KAZN: variants seen among roughly 807,000 people sequenced by gnomAD.
The protein encoded by KAZN is kazrin, periplakin interacting protein, also known as kazrin.
KAZN carries 40 observed loss-of-function variants against 87.4 expected under a neutral mutation model. That is an observed-to-expected ratio of 0.46 (90% CI 0.36 to 0.60). The LOEUF is 0.60. Among genes scored for constraint, KAZN ranks in the 20% least tolerant of loss-of-function variants. The pLI is 0.00. For missense variants in KAZN, 898 were observed against 1,073.9 expected, an observed-to-expected ratio of 0.84 and a Z score of 2.29; for synonymous variants, 466 against 458.3, an observed-to-expected ratio of 1.02 and a Z score of -0.22.
At chr1:14,418,622 A>C (rs11578066) in intron 2 of KAZN, among the ~76,000 whole-genome samples, 3,290 of 152,324 alleles carry the variant, frequency 0.022, 51 homozygotes, top group Non-Finnish European at 0.037. Context: ...TTTTATAGAC[A>C]ATCTGATTTT....
At chr1:14,494,158 A>C (rs1669819799) in intron 2 of KAZN, among the ~76,000 whole-genome samples, 1 of 152,208 alleles carries the variant, frequency 6.6e-6, no homozygotes, top group South Asian at 2.1e-4. Flanking sequence ...TGAGCACTGA[A>C]TTAGTCTCAG....
chr1:14,119,985 G>C (rs1644715743), intron 1 of KAZN, among the ~76,000 whole-genome samples: 1 of 152,054 alleles, frequency 6.6e-6, no homozygotes, highest in Non-Finnish European at 1.5e-5. Context: ...GCACAGATGG[G>C]GTAAGTACCT....
intron 1 of KAZN, among the ~76,000 whole-genome samples, chr1:14,874,519 T>C (rs12402850): frequency 0.015 from 2,135 of 144,588 alleles, 17 homozygotes; most frequent in South Asian, 0.02. Flanking sequence ...GATGGATGGA[T>C]GGACAGATGG....
intron 2 of KAZN, among the ~76,000 whole-genome samples, chr1:14,436,309 T>C (rs1166331724): frequency 6.6e-6 from 1 of 151,994 alleles, no homozygotes; most frequent in Non-Finnish European, 1.5e-5. Flanking sequence ...AGGAAGTGGT[T>C]GAGTCAGAAT....
chr1:14,574,360 A>G (rs1675050181), intron 2 of KAZN, among the ~76,000 whole-genome samples: 2 of 152,184 alleles, frequency 1.3e-5, no homozygotes, highest in East Asian at 1.9e-4. Context: ...CGCAAATCTC[A>G]TCTTGAATTG....
intron 1 of KAZN, among the ~76,000 whole-genome samples, chr1:14,763,701 C>A (rs757704652): frequency 6.6e-6 from 1 of 152,130 alleles, no homozygotes; most frequent in Non-Finnish European, 1.5e-5. Context: ...CAATTATGAT[C>A]CTTTGCCTAA....
chr1:14,346,604 A>G (rs1658128053), intron 2 of KAZN, among the ~76,000 whole-genome samples: 1 of 152,124 alleles, frequency 6.6e-6, no homozygotes, highest in Non-Finnish European at 1.5e-5. Flanking sequence ...TATCAGTAAG[A>G]TATGACTTCC....
rs1024568461 is a variant in KAZN, at chr1:14,599,360, C to T, written c.226+137C>T. 9 of 919,610 alleles carry T rather than the reference C, an allele frequency of 9.8e-6. No individual in the cohort carries two copies. The African/African-American group carries it at 1.2e-4, about 12-fold the overall frequency. 57.0% of individuals were successfully genotyped at this position (919,610 alleles called of 1,614,324 possible). A position where few individuals can be genotyped will look rare whatever the true frequency, so the allele number is the denominator to read the frequency against. ...CTGGCTTGTAACCCTTTCCGCCCGG[C>T]GGTGGCCACCGCTGCTCTCCGGCTG... On this transcript the variant is annotated intron_variant, in intron 1 of 14. Coordinates refer to ENST00000376030, the MANE Select transcript of KAZN (RefSeq NM_201628.3). This position sits in a 1 kb window ranked among gnomAD's most constrained non-coding sequence, Gnocchi z 4.4.
At chr1:14,722,126 A>G (rs1197361510) in intron 1 of KAZN, among the ~76,000 whole-genome samples, 1 of 151,456 alleles carries the variant, frequency 6.6e-6, no homozygotes, top group Non-Finnish European at 1.5e-5. Context: ...CACTCAGCCT[A>G]AGCGTCAGAG....
intron 2 of KAZN, among the ~76,000 whole-genome samples, chr1:14,314,196 A>G (rs1267085365): frequency 6.6e-6 from 1 of 152,184 alleles, no homozygotes; most frequent in Non-Finnish European, 1.5e-5. Context: ...ACCTATGCCA[A>G]AAAGAGATTG....
At chr1:14,362,241 T>C (rs1048038367) in intron 2 of KAZN, among the ~76,000 whole-genome samples, 34 of 152,210 alleles carry the variant, frequency 2.2e-4, no homozygotes, top group African/African-American at 7.2e-4. Flanking sequence ...TAAGTTAACA[T>C]AGTTGTTAGC....
chr1:15,106,015 C>T (rs1289028696), intron 13 of KAZN, among the ~76,000 whole-genome samples: 1 of 152,172 alleles, frequency 6.6e-6, no homozygotes, highest in Non-Finnish European at 1.5e-5. Context: ...CATGGTGGCT[C>T]ATGCCTGCAA....
At chr1:14,166,662 T>A (rs1331574125) in intron 1 of KAZN, among the ~76,000 whole-genome samples, 1 of 152,228 alleles carries the variant, frequency 6.6e-6, no homozygotes, top group East Asian at 1.9e-4. Flanking sequence ...TGGTAAATTT[T>A]GTACTATATA....
chr1:14,439,327 C>T (rs1666571151), intron 2 of KAZN, among the ~76,000 whole-genome samples: 2 of 151,972 alleles, frequency 1.3e-5, no homozygotes, highest in African/African-American at 2.4e-5. Context: ...GAGCACTTCT[C>T]ACCACCTCCT....
intron 1 of KAZN, among the ~76,000 whole-genome samples, chr1:13,981,607 A>G (rs1225061487): frequency 1.3e-5 from 2 of 152,208 alleles, no homozygotes; most frequent in East Asian, 3.8e-4. Flanking sequence ...TACTAAGCAG[A>G]CCATGCAAAA....
At chr1:15,068,508 C>G (rs1639363594) in intron 8 of KAZN, among the ~76,000 whole-genome samples, 2 of 152,098 alleles carry the variant, frequency 1.3e-5, no homozygotes, top group African/African-American at 2.4e-5. Context: ...CCCAAAGGAG[C>G]CTGTGCTTTG....
At chr1:13,938,071 A>T (rs1202074367) in intron 1 of KAZN, among the ~76,000 whole-genome samples, 1 of 152,164 alleles carries the variant, frequency 6.6e-6, no homozygotes, top group Non-Finnish European at 1.5e-5. Context: ...ATGAAAAATG[A>T]TGTTGATAAT....
intron 1 of KAZN, among the ~76,000 whole-genome samples, chr1:13,965,736 C>T (rs375206224): frequency 6.6e-6 from 1 of 152,164 alleles, no homozygotes. Flanking sequence ...GCTGGAGCTG[C>T]GTCTTAATTA....
chr1:14,532,620 TC>T lies in KAZN; in HGVS notation c.250-66357del, dbSNP rs1354990269. On this transcript the variant is annotated intron_variant, in intron 2 of 16. Coordinates refer to the KAZN transcript ENST00000636203. Reference sequence around the variant, plus strand: ...ATCTCCTAATGCTATCCCTCCCCCCTCCCCCCACCCCACAACAGTCCCTAGA... The same window carrying T: ...ATCTCCTAATGCTATCCCTCCCCCCTCCCCCACCCCACAACAGTCCCTAGA... Among the ~76,000 whole-genome samples, 4 of 69,270 alleles carry T rather than the reference TC, an allele frequency of 5.8e-5. No individual in the cohort carries two copies. The East Asian group carries it at 1.3e-3, about 22-fold the overall frequency. 45.4% of individuals were successfully genotyped at this position (69,270 alleles called of 152,430 possible).
Sources: gnomAD v4.1 joint callset for allele counts (sites outside exome capture counted in the v4.1 genomes callset) on GRCh38, gnomAD v4.1.1 for gene constraint, Gnocchi (gnomAD v3.1) non-coding constraint, MANE v1.5 for transcripts, NCBI Gene and HGNC (gene_info 2026-07-23, HGNC 2026-07-21) for gene names.